PPM1L: variants seen among roughly 807,000 people sequenced by gnomAD.
PPM1L encodes protein phosphatase, Mg2+/Mn2+ dependent 1L.
Under a neutral mutation model 31.4 loss-of-function variants are expected in PPM1L, and 13 were observed. The observed-to-expected ratio is 0.41, with a 90% CI of 0.27 to 0.66. The LOEUF is 0.66. Among genes scored for constraint, PPM1L ranks in the 30% least tolerant of loss-of-function variants. The pLI is 0.29. For synonymous variants in PPM1L, 184 were observed against 175.4 expected (o/e 1.05, Z -0.39); for missense variants, 326 against 453.7 (o/e 0.72, Z 2.56).
Position 161,074,089 on chromosome 3 carries a change from G to A in PPM1L, c.*4932G>A, listed in dbSNP as rs773145543. On this transcript the variant is annotated 3_prime_UTR_variant, in exon 4 of 4. Transcript: ENST00000498165. Reference sequence around the variant, plus strand: ...TTTAATTCACTTTTGAAATTTTAACGATTTTTAAAACTAATGATCTGTTAT... The same window carrying A: ...TTTAATTCACTTTTGAAATTTTAACAATTTTTAAAACTAATGATCTGTTAT... 4 of 152,060 alleles carry A rather than the reference G, an allele frequency of 2.6e-5. No individual in the cohort carries two copies. Among genetic ancestry groups the A allele is most frequent in the Non-Finnish European group, 4.4e-5 (3 of 68,014 alleles). The allele number at this position is 152,060 out of a possible 1,614,324, so 9.4% of individuals were successfully genotyped here. A position where few individuals can be genotyped will look rare whatever the true frequency, so the allele number is the denominator to read the frequency against.
intron 2 of PPM1L, among the ~76,000 whole-genome samples, chr3:161,031,702 C>T (rs1467152074): frequency 6.6e-5 from 10 of 151,802 alleles, no homozygotes; most frequent in Non-Finnish European, 1.5e-4. Flanking sequence ...AGACAGGTCT[C>T]GCTGTGTTGC....
At position 160,814,717 on chromosome 3, in the gene PPM1L, ATG is replaced by A. The variant is rs1202353157; in HGVS notation, c.399+58012_399+58013del. ...TACGTATATGTGTATATATATGTGT[ATG>A]TATACGTGTATATATGTATATATGT... On this transcript the variant is annotated intron_variant, in intron 1 of 3. Transcript: ENST00000498165. Among the ~76,000 whole-genome samples, 132 of 150,066 alleles carry A rather than the reference ATG, an allele frequency of 8.8e-4. 1 individual carries two copies. Among genetic ancestry groups the A allele is most frequent in the African/African-American group, 3.2e-3 (130 of 40,674 alleles).
intron 1 of PPM1L, among the ~76,000 whole-genome samples, chr3:160,815,634 T>C (rs563698843): frequency 6.6e-6 from 1 of 152,320 alleles, no homozygotes; most frequent in African/African-American, 2.4e-5. Flanking sequence ...TTAATAAACA[T>C]TATTTCAAGA....
intron 1 of PPM1L, among the ~76,000 whole-genome samples, chr3:160,804,713 G>C (rs1161092711): frequency 6.6e-6 from 1 of 152,278 alleles, no homozygotes. Context: ...CTATGTTTGT[G>C]AAATGTTTTG....
intron 1 of PPM1L, among the ~76,000 whole-genome samples, chr3:160,786,702 G>A (rs1030946294): frequency 6.6e-6 from 1 of 151,712 alleles, no homozygotes; most frequent in Non-Finnish European, 1.5e-5. Context: ...CCCAGGTAGT[G>A]AGCATAGTAC....
chr3:160,939,083 T>G (rs1715072811), intron 1 of PPM1L, among the ~76,000 whole-genome samples: 1 of 152,232 alleles, frequency 6.6e-6, no homozygotes, highest in Non-Finnish European at 1.5e-5. Context: ...AATGCATTTA[T>G]GCACTTAGCG....
intron 1 of PPM1L, among the ~76,000 whole-genome samples, chr3:160,826,767 C>T (rs149871361): frequency 9.3e-4 from 141 of 152,172 alleles, no homozygotes; most frequent in African/African-American, 3.3e-3. Context: ...TGGCAGCAGT[C>T]CCTGGATGAA....
Position 160,970,444 on chromosome 3 carries a change from A to AT in PPM1L, c.574+8534_574+8535insT, listed in dbSNP as rs1559908005. Among the ~76,000 whole-genome samples the AT allele has an allele frequency of 3.4e-3, 398 of 118,680 alleles. 1 individual carries two copies. Among genetic ancestry groups the AT allele is most frequent in the African/African-American group, 0.013 (377 of 29,760 alleles). 77.9% of individuals were successfully genotyped at this position (118,680 alleles called of 152,430 possible). ...TTTATCAATCTTTTTAACCAAGCTGAATATTTTTTTTTTTTTTTTTTTTGA... is the reference window on the plus strand; with the variant it reads ...TTTATCAATCTTTTTAACCAAGCTGATATATTTTTTTTTTTTTTTTTTTTGA... On this transcript the variant is annotated intron_variant, in intron 2 of 3. Transcript: ENST00000498165.
rs1720156883 is a variant in PPM1L at position 161,077,851 on chromosome 3, T to A, written c.*8694T>A. 1 of 152,260 alleles carries A rather than the reference T, an allele frequency of 6.6e-6. No homozygotes were observed. Among genetic ancestry groups the A allele is most frequent in the African/African-American group, 2.4e-5 (1 of 41,464 alleles). The allele number at this position is 152,260 out of a possible 1,614,324, so 9.4% of individuals were successfully genotyped here. A position where few individuals can be genotyped will look rare whatever the true frequency, so the allele number is the denominator to read the frequency against. On this transcript the variant is annotated 3_prime_UTR_variant, in exon 4 of 4. Coordinates refer to ENST00000498165, the MANE Select transcript of PPM1L (RefSeq NM_139245.4). ...AAAGAAAAACTAAATCCCAGACTTT[T>A]ATTTTTAACCACAGAAACCATCACT...
chr3:160,789,057 T>C (rs1024162150), intron 1 of PPM1L, among the ~76,000 whole-genome samples: 3 of 152,008 alleles, frequency 2.0e-5, no homozygotes, highest in African/African-American at 7.2e-5. Context: ...TGAGATTACA[T>C]TACCTTTATC....
intron 1 of PPM1L, among the ~76,000 whole-genome samples, chr3:160,908,369 A>AAAAT (rs1215081361): frequency 6.6e-6 from 1 of 152,022 alleles, no homozygotes; most frequent in Admixed American, 6.6e-5. Flanking sequence ...TGGAACTATA[A>AAAAT]AAATAAATAC....
chr3:160,925,665 T>C (rs1357703590), intron 1 of PPM1L, among the ~76,000 whole-genome samples: 1 of 152,138 alleles, frequency 6.6e-6, no homozygotes, highest in African/African-American at 2.4e-5. Context: ...GAGAATACCT[T>C]ATGGTTTAAT....
intron 1 of PPM1L, among the ~76,000 whole-genome samples, chr3:160,867,362 C>T (rs576119801): frequency 4.1e-4 from 56 of 136,194 alleles, no homozygotes; most frequent in African/African-American, 1.5e-3. Context: ...AGAAAACAGG[C>T]TTGTGAAGTT....
chr3:160,927,627 T>TGTGTGC (rs1553746135), intron 1 of PPM1L, among the ~76,000 whole-genome samples: 4 of 151,806 alleles, frequency 2.6e-5, no homozygotes, highest in African/African-American at 9.7e-5. Flanking sequence ...TGTGTGTGTG[T>TGTGTGC]GCGTGCGTGT....
At chr3:160,955,552 A>G (rs1715742531) in intron 1 of PPM1L, among the ~76,000 whole-genome samples, 1 of 151,886 alleles carries the variant, frequency 6.6e-6, no homozygotes, top group South Asian at 2.1e-4. Flanking sequence ...TTAAAATTGC[A>G]GTTTCCTTTA....
At chr3:160,800,891 AAC>A (rs1198298284) in intron 1 of PPM1L, among the ~76,000 whole-genome samples, 4 of 152,136 alleles carry the variant, frequency 2.6e-5, no homozygotes. Context: ...GCAACATTTA[AAC>A]ACCCTTGGAT....
chr3:160,924,144 G>A (rs551999329), intron 1 of PPM1L, among the ~76,000 whole-genome samples: 1 of 152,232 alleles, frequency 6.6e-6, no homozygotes, highest in African/African-American at 2.4e-5. Flanking sequence ...GTGCGATTTG[G>A]TGTTGCCATT....
rs1559896865 is a variant in PPM1L, at chr3:160,944,803, A to ATATGTTATATATGT, written c.400-16930_400-16929insGTTATATATGTTAT. 1.2e-4 allele frequency among the ~76,000 whole-genome samples: 7 copies of ATATGTTATATATGT among 59,242 alleles called. 1 individual carries two copies. Among genetic ancestry groups the ATATGTTATATATGT allele is most frequent in the East Asian group, 2.7e-4 (1 of 3,740 alleles). 38.9% of individuals were successfully genotyped at this position (59,242 alleles called of 152,430 possible). On this transcript the variant is annotated intron_variant, in intron 1 of 3. Transcript: ENST00000498165. ...TTATATTATATATGTTATATATAAC[A>ATATGTTATATATGT]TATATAACATATATATGTTATATAT...
chr3:161,034,504 A>G (rs897219904), intron 2 of PPM1L, among the ~76,000 whole-genome samples: 1 of 152,224 alleles, frequency 6.6e-6, no homozygotes, highest in African/African-American at 2.4e-5. Context: ...ATATAATACC[A>G]TGCAGCCATA....
Sources: allele counts gnomAD v4.1 joint callset (sites outside exome capture counted in the v4.1 genomes callset), GRCh38; gene constraint gnomAD v4.1.1; transcripts MANE v1.5; gene names NCBI Gene and HGNC (gene_info 2026-07-23, HGNC 2026-07-21).